The following HCFC1R1 variants were observed in gnomAD, a reference collection of about 807,000 sequenced individuals.
The protein encoded by HCFC1R1 is host cell factor C1 regulator 1, also known as HCF-1 beta-propeller-interacting protein.
Under a neutral mutation model 13.3 loss-of-function variants are expected in HCFC1R1, and 17 were observed. The observed-to-expected ratio is 1.28, with a 90% CI of 0.87 to 1.91. The LOEUF (loss-of-function observed/expected upper bound fraction) is 1.91. Ranked by LOEUF, HCFC1R1 falls within the 40% of genes most tolerant of loss-of-function variation. The pLI is 0.00. For missense variants in HCFC1R1, 218 were observed against 177.9 expected, an observed-to-expected ratio of 1.23 and a Z score of -1.28; for synonymous variants, 87 against 71.1, an observed-to-expected ratio of 1.22 and a Z score of -1.12.
Position 3,023,313 on chromosome 16 carries a change from G to A in HCFC1R1, c.201C>T (p.His67=). The A allele has an allele frequency of 6.2e-7, 1 of 1,600,014 alleles. No individual in the cohort carries two copies. The highest frequency in any genetic ancestry group is 8.5e-7 in the Non-Finnish European group (1 of 1,170,852). Residue 67 remains histidine (H), a synonymous_variant, in exon 3 of 4, where the codon CAC becomes CAT. Coordinates refer to ENST00000248089, the MANE Select transcript of HCFC1R1 (RefSeq NM_017885.4). ...QFLSEENMAT[H]FSQLSLHNDH... ...CATTGTGCAGGCTGAGTTGAGAGAA[G>A]TGGGTGGCCATGTTCTCCTCAGACA...
In HCFC1R1 at chr16:3,022,642, CTT is replaced by C; in HGVS notation, c.*219_*220del. 4.8e-6 allele frequency: 2 copies of C among 417,528 alleles called. No homozygotes were observed. The highest frequency in any genetic ancestry group is 8.3e-5 in the East Asian group (2 of 24,188). The allele number at this position is 417,528 out of a possible 1,614,324, so 25.9% of individuals were successfully genotyped here. ...CTGAAGCCTTCCTTTGCTCAGCAAT[CTT>C]TATTCAGTTCTTCTTGGGGGTGGGA... On this transcript the variant is annotated 3_prime_UTR_variant, in exon 4 of 4. Coordinates refer to ENST00000248089, the MANE Select transcript of HCFC1R1 (RefSeq NM_017885.4).
chr16:3,023,743 C>A, intron 1 of HCFC1R1, 104 bp downstream of exon 1: 1 of 1,092,328 alleles, frequency 9.2e-7, no homozygotes, highest in South Asian at 1.4e-5. Flanking sequence ...GCCTAAGCCC[C>A]GCCGATTCGC....
intron 3 of HCFC1R1, 102 bp downstream of exon 3, chr16:3,023,131 A>C: frequency 6.7e-7 from 1 of 1,502,184 alleles, no homozygotes; most frequent in Non-Finnish European, 9.0e-7. Flanking sequence ...AACAACCCAG[A>C]GGTCAGCTAG....
upstream of HCFC1R1, chr16:3,024,045 G>A (rs1480633574): frequency 3.1e-6 from 3 of 958,696 alleles, no homozygotes; most frequent in Non-Finnish European, 4.6e-6. Context: ...ACAGCCGCGA[G>A]GTTCTGCGCG....
intron 1 of HCFC1R1, 142 bp from the exon 2 acceptor site, chr16:3,023,672 C>T: frequency 1.8e-6 from 2 of 1,130,640 alleles, no homozygotes; most frequent in Non-Finnish European, 2.5e-6. Context: ...CCTGGACCAT[C>T]CAGCAGGGTA....
intron 1 of HCFC1R1, 151 bp downstream of exon 1, chr16:3,023,696 G>T: frequency 9.5e-7 from 1 of 1,048,210 alleles, no homozygotes; most frequent in Non-Finnish European, 1.4e-6. Context: ...CGGAAGTCTC[G>T]ACCCTCAGCC....
chr16:3,023,111 C>G (rs980422257), intron 3 of HCFC1R1, 113 bp from the exon 4 acceptor site: 22 of 1,516,930 alleles, frequency 1.5e-5, no homozygotes, highest in Non-Finnish European at 2.0e-5. Context: ...TCCAAAGAGC[C>G]AAGATGGGAA....
In HCFC1R1 at chr16:3,022,892, T is replaced by C. The variant is rs758425084; in HGVS notation, c.388A>G (p.Thr130Ala). 4.3e-5 allele frequency: 67 copies of C among 1,543,900 alleles called. No homozygotes were observed. The highest frequency in any genetic ancestry group is 5.8e-5 in the Non-Finnish European group (67 of 1,157,542). Residue 130 changes from threonine to alanine, a missense_variant, in exon 4 of 4, where the codon ACC becomes GCC. Physicochemically the swap from Thr to Ala is moderately conservative, Grantham distance 58. Transcript: ENST00000248089. Reference protein sequence around the residue: ...GDTPSPPYPATPAGDIMEL With the variant: ...GDTPSPPYPAAPAGDIMEL ...AGCTCCATTATGTCCCCAGCTGGGG[T>C]TGCAGGGTAGGGGGGACTGGGGGTG...
In HCFC1R1 at chr16:3,023,476, C is replaced by G. The variant is rs369375533; in HGVS notation, c.150G>C (p.Glu50Asp). 1.5e-5 allele frequency: 24 copies of G among 1,612,928 alleles called. No homozygotes were observed. The highest frequency in any genetic ancestry group is 2.0e-5 in the Non-Finnish European group (24 of 1,179,518). The change falls in exon 2 of 4, where the codon GAG becomes GAC. Residue 50 changes from glutamate (E) to aspartate (D), a missense_variant and splice_region_variant. Transcript: ENST00000248089. ...PMSTKRRLEE[E>D]QEPLRKQFLS... ...TCCCTCCCTGCCCCCAAACTCACTGCTCCTCCTCCAGGCGCCGCTTGGTGC... is the reference window on the plus strand; with the variant it reads ...TCCCTCCCTGCCCCCAAACTCACTGGTCCTCCTCCAGGCGCCGCTTGGTGC...
Position 3,023,887 on chromosome 16 carries a change from G to T in HCFC1R1, c.55C>A (p.Pro19Thr). ...CAAGTCACCCCCAAGGCGGCCCGCGGGAGGCGCTGGGCCCCTCCCTGGGGG... is the reference window on the plus strand; with the variant it reads ...CAAGTCACCCCCAAGGCGGCCCGCGTGAGGCGCTGGGCCCCTCCCTGGGGG... ...RGPQGGAQRL[P>T]RAALGVTWGL... Residue 19 changes from proline to threonine, a missense_variant, in exon 1 of 4, where the codon CCG (proline) becomes ACG (threonine). Transcript: ENST00000248089. 1 of 1,556,312 alleles carries T rather than the reference G, an allele frequency of 6.4e-7. No homozygotes were observed. The highest frequency in any genetic ancestry group is 8.7e-7 in the Non-Finnish European group (1 of 1,155,206).
At chr16:3,024,220 T>C, upstream of HCFC1R1, 1 of 1,452,082 alleles carries the variant, frequency 6.9e-7, no homozygotes, top group Non-Finnish European at 9.6e-7. Context: ...ACCAGCCACC[T>C]TCGCGCCGAA....
Position 3,023,527 on chromosome 16 carries a change from G to C in HCFC1R1, c.99C>G (p.Ser33=). 6.3e-7 allele frequency: 1 copy of C among 1,583,022 alleles called. No homozygotes were observed. Among genetic ancestry groups the C allele is most frequent in the Non-Finnish European group, 8.6e-7 (1 of 1,163,388 alleles). Residue 33 remains serine, a synonymous_variant, in exon 2 of 4, where the codon TCC becomes TCG. Coordinates refer to ENST00000248089, the MANE Select transcript of HCFC1R1 (RefSeq NM_017885.4). ...LGVTWGLDAS[S]PLRGAVPMST... is the part of the protein sequence containing the mutation. ...TCATGGGCACAGCTCCTCGGAGAGG[G>C]GAGCTGGGAAAAAAAGAGAGCCTGG...
rs1478412777 is a variant in HCFC1R1, at chr16:3,022,813, C to G, written c.*50G>C. The G allele has an allele frequency of 2.8e-6, 4 of 1,444,480 alleles. No individual in the cohort carries two copies. The African/African-American group carries it at 4.5e-5, about 16-fold the overall frequency. The allele number at this position is 1,444,480 out of a possible 1,614,324, so 89.5% of individuals were successfully genotyped here. A position where few individuals can be genotyped will look rare whatever the true frequency, so the allele number is the denominator to read the frequency against. On this transcript the variant is annotated 3_prime_UTR_variant, in exon 4 of 4. Transcript: ENST00000248089. Reference sequence around the variant, plus strand: ...GTCCCTTTGCGGGAGTCGCTGGTCTCTTCTGTTGTGGGGAAGAAGGAAGGT... The same window carrying G: ...GTCCCTTTGCGGGAGTCGCTGGTCTGTTCTGTTGTGGGGAAGAAGGAAGGT...
chr16:3,024,075 G>C, upstream of HCFC1R1: 1 of 804,434 alleles, frequency 1.2e-6, no homozygotes, highest in Non-Finnish European at 1.9e-6. Context: ...GACGGGCGGC[G>C]CGTGGCGGAA....
Position 3,023,845 on chromosome 16 carries a change from A to T in HCFC1R1, c.95+2T>A. On this transcript the variant is annotated splice_donor_variant, in intron 1 of 3. Transcript: ENST00000248089. LOFTEE classifies it high-confidence loss of function. ...AGGCCCACCCTGGTCCCCTACACGC[A>T]CCTGGCGTCCAGGCCCCAAGTCACC... 6.5e-7 allele frequency: 1 copy of T among 1,540,384 alleles called. No individual in the cohort carries two copies. Among genetic ancestry groups the T allele is most frequent in the Non-Finnish European group, 8.7e-7 (1 of 1,148,368 alleles).
rs2072646855 is a variant in HCFC1R1 at position 3,022,952 on chromosome 16, T to C, written c.328A>G (p.Ile110Val). 4 of 1,584,528 alleles carry C rather than the reference T, an allele frequency of 2.5e-6. No individual in the cohort carries two copies. Among genetic ancestry groups the C allele is most frequent in the African/African-American group, 2.8e-5 (2 of 72,660 alleles). The change falls in exon 4 of 4, where the codon ATC becomes GTC. Residue 110 changes from isoleucine (I) to valine (V), a missense_variant. Coordinates refer to ENST00000248089, the MANE Select transcript of HCFC1R1 (RefSeq NM_017885.4). ...CTCAGCAGACGGAGGGCCTCAGGGA[T>C]GAGGCTGCCAGGATAGCGCCAGAGA... is the stretch of plus-strand genomic sequence containing the variant. ...LLLWRYPGSL[I>V]PEALRLLRLG... is the part of the protein sequence containing the mutation.
intron 1 of HCFC1R1, 91 bp downstream of exon 1, chr16:3,023,756 C>G (rs954188986): frequency 1.7e-6 from 2 of 1,154,190 alleles, no homozygotes; most frequent in Non-Finnish European, 2.5e-6. Context: ...CGATTCGCCC[C>G]ACCCCGTATT....
chr16:3,024,000 T>G, upstream of HCFC1R1: 1 of 1,304,368 alleles, frequency 7.7e-7, no homozygotes, highest in South Asian at 1.3e-5. Flanking sequence ...TCTGAGGGCG[T>G]GGCCAAGAGA....
At position 3,023,478 on chromosome 16, in the gene HCFC1R1, C is replaced by T. The variant is rs575684870; in HGVS notation, c.148G>A (p.Glu50Lys). ...PMSTKRRLEEEQEPLRKQFLS... is the reference protein window; with the variant it reads ...PMSTKRRLEEKQEPLRKQFLS... The stretch of plus-strand genomic sequence containing the variant: ...CCTCCCTGCCCCCAAACTCACTGCT[C>T]CTCCTCCAGGCGCCGCTTGGTGCTC... The change falls in exon 2 of 4, where the codon GAG becomes AAG. Residue 50 changes from glutamate (E) to lysine (K), a missense_variant. Glu to Lys is a moderately conservative substitution (Grantham distance 56, BLOSUM62 1). Coordinates refer to ENST00000248089, the MANE Select transcript of HCFC1R1 (RefSeq NM_017885.4). The T allele has an allele frequency of 6.2e-6, 10 of 1,612,924 alleles. No homozygotes were observed. In the Admixed American group the frequency reaches 8.3e-5, roughly 13 times the overall value.
Sources: gnomAD v4.1 joint callset for allele counts on GRCh38, gnomAD v4.1.1 for gene constraint, MANE v1.5 for transcripts, NCBI Gene and HGNC (gene_info 2026-07-23, HGNC 2026-07-21) for gene names.